The following TRIM5 variants were observed in gnomAD, a reference collection of about 807,000 sequenced individuals.
The protein encoded by TRIM5 is tripartite motif containing 5.
Under a neutral mutation model 35.6 loss-of-function variants are expected in TRIM5, and 31 were observed. That is an observed-to-expected ratio of 0.87 (90% CI 0.65 to 1.18). The LOEUF (loss-of-function observed/expected upper bound fraction) is 1.18, where lower values mean the gene tolerates loss of function less well. Ranked by LOEUF, TRIM5 falls within the 50% of genes most tolerant of loss-of-function variation. The pLI, the probability that TRIM5 is intolerant of heterozygous loss-of-function variation, is 0.00. For synonymous variants in TRIM5, 243 were observed against 215.6 expected, an observed-to-expected ratio of 1.13 and a Z score of -1.11; for missense variants, 609 against 591.6, an observed-to-expected ratio of 1.03 and a Z score of -0.31.
the TRIM5 span, chr11:5,619,717 T>C: frequency 7.9e-6 from 1 of 127,292 alleles, no homozygotes; most frequent in South Asian, 2.7e-4. Flanking sequence ...TTTTTTTTTT[T>C]TTTTTGAGAC....
chr11:5,632,736 A>C, the TRIM5 span: 1 of 1,606,244 alleles, frequency 6.2e-7, no homozygotes, highest in Non-Finnish European at 8.5e-7. Context: ...TCACGGAGGA[A>C]GTATTCAAGG....
Position 5,675,247 on chromosome 11 carries a change from T to C in TRIM5, c.744+2957A>G, listed in dbSNP as rs952801047. 3.9e-5 allele frequency among the ~76,000 whole-genome samples: 6 copies of C among 152,070 alleles called. 1 individual carries two copies. The highest frequency in any genetic ancestry group is 1.4e-4 in the African/African-American group (6 of 41,412). On this transcript the variant is annotated intron_variant, in intron 4 of 7. Coordinates refer to ENST00000380034, the MANE Select transcript of TRIM5 (RefSeq NM_033034.3). ...TGGGGTACAATGCAAAATGAAAATATGCGGCCCCTTGTTCAAAATTTATTA... is the reference window on the plus strand; with the variant it reads ...TGGGGTACAATGCAAAATGAAAATACGCGGCCCCTTGTTCAAAATTTATTA...
chr11:5,610,262 G>C, the TRIM5 span: 1 of 1,613,984 alleles, frequency 6.2e-7, no homozygotes, highest in Non-Finnish European at 8.5e-7. Context: ...AGATTCAGGG[G>C]AAAGAGTTTG....
chr11:5,596,934 G>A, the TRIM5 span: 2 of 1,613,918 alleles, frequency 1.2e-6, no homozygotes, highest in African/African-American at 2.7e-5. Context: ...CCGTTCTGTT[G>A]ACTGGCTCTT....
At chr11:5,596,746 G>A in the TRIM5 span, 1 of 1,211,876 alleles carries the variant, frequency 8.3e-7, no homozygotes, top group South Asian at 1.3e-5. Context: ...GGAACGGAAC[G>A]GAGCAGAGTC....
chr11:5,651,624 G>A, the TRIM5 span, among the ~76,000 whole-genome samples: 585 of 152,230 alleles, frequency 3.8e-3, 3 homozygotes, highest in African/African-American at 0.013. Flanking sequence ...GTGTCTTTAT[G>A]GTAGAATGAT....
chr11:5,678,473 C>A, intron 3 of TRIM5, 39 bp from the exon 4 acceptor site: 1 of 1,453,296 alleles, frequency 6.9e-7, no homozygotes, highest in Non-Finnish European at 9.2e-7. Flanking sequence ...ACTCAGTCTA[C>A]CAGGCAGAGG....
At chr11:5,623,947 GACT>G in the TRIM5 span, among the ~76,000 whole-genome samples, 1 of 152,196 alleles carries the variant, frequency 6.6e-6, no homozygotes, top group Admixed American at 6.5e-5. Context: ...ACAGGAGGTA[GACT>G]AGGATTGTTT....
the TRIM5 span, among the ~76,000 whole-genome samples, chr11:5,618,710 G>C: frequency 6.6e-6 from 1 of 152,190 alleles, no homozygotes; most frequent in African/African-American, 2.4e-5. Flanking sequence ...ACAAGTACAT[G>C]ATTGTTTTGA....
At chr11:5,643,601 C>A in the TRIM5 span, 429,788 of 1,613,850 alleles carry the variant, frequency 0.27, 63,669 homozygotes, top group East Asian at 0.57. Flanking sequence ...CAAGCCATGG[C>A]TCCCTCATTT....
chr11:5,675,586 G>T (rs1429497728), intron 4 of TRIM5, among the ~76,000 whole-genome samples: 1 of 151,756 alleles, frequency 6.6e-6, no homozygotes, highest in Non-Finnish European at 1.5e-5. Flanking sequence ...AACACTGAGA[G>T]CTGAGGCATT....
chr11:5,628,942 C>T, the TRIM5 span, among the ~76,000 whole-genome samples: 1 of 152,012 alleles, frequency 6.6e-6, no homozygotes, highest in African/African-American at 2.4e-5. Flanking sequence ...TGTCACATGG[C>T]TTTCTTTCCC....
chr11:5,635,130 C>G, the TRIM5 span, among the ~76,000 whole-genome samples: 2 of 152,084 alleles, frequency 1.3e-5, no homozygotes, highest in Non-Finnish European at 2.9e-5. Context: ...CATCAGACTT[C>G]TCTTTACTCT....
intron 4 of TRIM5, among the ~76,000 whole-genome samples, chr11:5,676,941 C>CA (rs1852030500): frequency 6.6e-6 from 1 of 151,034 alleles, no homozygotes. Context: ...ACACCTTATA[C>CA]AAAAATCAAT....
intron 4 of TRIM5, among the ~76,000 whole-genome samples, chr11:5,671,413 A>G (rs1003181066): frequency 6.6e-6 from 1 of 152,108 alleles, no homozygotes; most frequent in African/African-American, 2.4e-5. Context: ...TATTGCAAAT[A>G]GGTTAAAAAA....
chr11:5,629,927 T>C, the TRIM5 span, among the ~76,000 whole-genome samples: 2 of 152,238 alleles, frequency 1.3e-5, no homozygotes, highest in Admixed American at 6.5e-5. Context: ...AGGATGGTCT[T>C]GATCTCCTTA....
the TRIM5 span, chr11:5,604,630 G>T: frequency 1.2e-6 from 2 of 1,610,252 alleles, no homozygotes; most frequent in Non-Finnish European, 1.7e-6. Flanking sequence ...ATCCTGGAAG[G>T]CAAGGGAGAC....
chr11:5,679,528 A>G (rs562769215), intron 2 of TRIM5, among the ~76,000 whole-genome samples: 1 of 152,192 alleles, frequency 6.6e-6, no homozygotes, highest in East Asian at 1.9e-4. Flanking sequence ...CATCTAACCC[A>G]AGGTACAAAA....
At chr11:5,602,591 T>C in the TRIM5 span, among the ~76,000 whole-genome samples, 2 of 151,888 alleles carry the variant, frequency 1.3e-5, no homozygotes, top group South Asian at 4.2e-4. Context: ...GAACGACAAA[T>C]GCAAAAATCC....
Sources: gnomAD v4.1 joint callset for allele counts (sites outside exome capture counted in the v4.1 genomes callset) on GRCh38, gnomAD v4.1.1 for gene constraint, MANE v1.5 for transcripts, NCBI Gene and HGNC (gene_info 2026-07-23, HGNC 2026-07-21) for gene names.